The following DELE1 variants were observed in gnomAD, a reference collection of about 807,000 sequenced individuals.
DELE1 encodes the protein DAP3 binding cell death enhancer 1.
Under a neutral mutation model 59.3 loss-of-function variants are expected in DELE1, and 54 were observed. That is an observed-to-expected ratio of 0.91 (90% CI 0.73 to 1.14). The LOEUF (loss-of-function observed/expected upper bound fraction) is 1.14. Ranked by LOEUF, DELE1 falls within the 50% of genes most tolerant of loss-of-function variation. DELE1 has a pLI of 0.00. For missense variants in DELE1, 636 were observed against 643.9 expected, an observed-to-expected ratio of 0.99 and a Z score of 0.13; for synonymous variants, 264 against 259.1, an observed-to-expected ratio of 1.02 and a Z score of -0.18.
rs1752593561 is a variant in DELE1, at chr5:141,939,151, T to G, written c.*392T>G. ...CTACTGTTTGCCAATGTCTGATGTGTGTATCCCTGGTTCACAAGAAGATTT... is the reference window on the plus strand; with the variant it reads ...CTACTGTTTGCCAATGTCTGATGTGGGTATCCCTGGTTCACAAGAAGATTT... On this transcript the variant is annotated 3_prime_UTR_variant, in exon 12 of 12. Coordinates refer to ENST00000432126, the MANE Select transcript of DELE1 (RefSeq NM_014773.5). The G allele has an allele frequency of 1.0e-6, 1 of 983,738 alleles. No homozygotes were observed. Among genetic ancestry groups the G allele is most frequent in the Non-Finnish European group, 1.2e-6 (1 of 826,432 alleles). The allele number at this position is 983,738 out of a possible 1,614,324, so 60.9% of individuals were successfully genotyped here. A position where few individuals can be genotyped will look rare whatever the true frequency, so the allele number is the denominator to read the frequency against.
rs780181078 is a variant in DELE1, at chr5:141,928,137, G to A, written c.265-14G>A. On this transcript the variant is annotated splice_polypyrimidine_tract_variant and intron_variant, in intron 3 of 11. Transcript: ENST00000432126. ...TGGTGAAGGACCGTGTCCTTAACGT[G>A]CTGTCTTTCCCAGGGCACTCTGGCC... The A allele has an allele frequency of 6.2e-7, 1 of 1,611,094 alleles. No individual in the cohort carries two copies. Among genetic ancestry groups the A allele is most frequent in the East Asian group, 2.2e-5 (1 of 44,866 alleles).
chr5:141,928,308 C>A lies in DELE1; in HGVS notation c.412+10C>A. The stretch of plus-strand genomic sequence containing the variant: ...TGGCACCCATGCTCCTGTGAGTTCT[C>A]AGTCCTGGGGACAGGAGGGCTGGGC... On this transcript the variant is annotated intron_variant, in intron 4 of 11. Coordinates refer to ENST00000432126, the MANE Select transcript of DELE1 (RefSeq NM_014773.5). The A allele has an allele frequency of 1.2e-6, 2 of 1,613,410 alleles. No homozygotes were observed. The highest frequency in any genetic ancestry group is 1.7e-5 in the Admixed American group (1 of 59,950).
chr5:141,930,350 A>G (rs1054397906), intron 7 of DELE1, 76 bp downstream of exon 7: 1 of 1,062,370 alleles, frequency 9.4e-7, no homozygotes, highest in African/African-American at 1.6e-5. Context: ...GATATAGTCA[A>G]GATAGGGAGT....
In DELE1 at chr5:141,937,179, C is replaced by G. The variant is rs760006904; in HGVS notation, c.1150-19C>G. On this transcript the variant is annotated intron_variant, in intron 10 of 11. Transcript: ENST00000432126. ...TTCCTGCATGTGTGTATCTGTTTGTCTGTCCATTTTCTCCTTAGGACTCAC... is the reference window on the plus strand; with the variant it reads ...TTCCTGCATGTGTGTATCTGTTTGTGTGTCCATTTTCTCCTTAGGACTCAC... 1.2e-6 allele frequency: 2 copies of G among 1,613,698 alleles called. No homozygotes were observed.
At chr5:141,934,796 G>C (rs2126890782) in intron 10 of DELE1, 1 of 572,414 alleles carries the variant, frequency 1.7e-6, no homozygotes, top group South Asian at 2.3e-5. Flanking sequence ...TGTGAGAGCT[G>C]TTGGCAGCTT....
In DELE1 at chr5:141,941,534, G is replaced by T; in HGVS notation, c.*2775G>T. 1.0e-6 allele frequency: 1 copy of T among 985,420 alleles called. No individual in the cohort carries two copies. The highest frequency in any genetic ancestry group is 1.2e-6 in the Non-Finnish European group (1 of 829,964). 61.0% of individuals were successfully genotyped at this position (985,420 alleles called of 1,614,324 possible). ...TTGCCATTAAAATTCTGTTATTAAT[G>T]ACTCATCATCAGTGCCCCAGAGGAA... On this transcript the variant is annotated 3_prime_UTR_variant, in exon 12 of 12. Transcript: ENST00000432126.
Position 141,925,480 on chromosome 5 carries a change from A to T in DELE1, c.217A>T (p.Met73Leu), listed in dbSNP as rs765737948. The T allele has an allele frequency of 6.2e-7, 1 of 1,604,606 alleles. No individual in the cohort carries two copies. Among genetic ancestry groups the T allele is most frequent in the Non-Finnish European group, 8.5e-7 (1 of 1,175,802 alleles). The change falls in exon 3 of 12, where the codon ATG becomes TTG. Residue 73 changes from methionine to leucine, a missense_variant. Coordinates refer to ENST00000432126, the MANE Select transcript of DELE1 (RefSeq NM_014773.5). The part of the protein sequence containing the change: ...SHGWKDAFQW[M>L]SSRVSPNTLW... ...TGGATGGAAGGATGCCTTCCAATGG[A>T]TGTCTTCCCGTGTCTCCCCGAACAC...
At chr5:141,936,635 A>G (rs116010918) in intron 10 of DELE1, among the ~76,000 whole-genome samples, 1,958 of 152,180 alleles carry the variant, frequency 0.013, 43 homozygotes, top group African/African-American at 0.045. Flanking sequence ...GGGTTTCACT[A>G]TGTTGGGCAG....
chr5:141,939,580 G>A lies in DELE1; in HGVS notation c.*821G>A. ...ACTTCTCACCTCAGCCCTAAAGAGG[G>A]AGCCTGTGGGTTCTCAGAGAGATAT... On this transcript the variant is annotated 3_prime_UTR_variant, in exon 12 of 12. Transcript: ENST00000432126. The A allele has an allele frequency of 1.0e-6, 1 of 985,842 alleles. No homozygotes were observed. Among genetic ancestry groups the A allele is most frequent in the Non-Finnish European group, 1.2e-6 (1 of 829,940 alleles). 61.1% of individuals were successfully genotyped at this position (985,842 alleles called of 1,614,324 possible). A position where few individuals can be genotyped will look rare whatever the true frequency, so the allele number is the denominator to read the frequency against.
chr5:141,925,555 C>A, intron 3 of DELE1, 28 bp downstream of exon 3: 1 of 1,453,532 alleles, frequency 6.9e-7, no homozygotes, highest in Non-Finnish European at 9.4e-7. Flanking sequence ...TGGTCCTTGA[C>A]CTTCAGTGTA....
chr5:141,937,581 T>TAACA (rs1752461495), intron 11 of DELE1, among the ~76,000 whole-genome samples: 1 of 151,554 alleles, frequency 6.6e-6, no homozygotes, highest in Non-Finnish European at 1.5e-5. Context: ...CCCTCCTGGC[T>TAACA]AACACGGTGA....
chr5:141,926,721 A>G (rs10039236), intron 3 of DELE1, among the ~76,000 whole-genome samples: 10,772 of 152,314 alleles, frequency 0.071, 422 homozygotes, highest in South Asian at 0.14. Flanking sequence ...TTACCCCTCT[A>G]TGGGGAGCTG....
Position 141,938,657 on chromosome 5 carries a change from C to T in DELE1, c.1446C>T (p.Cys482=), listed in dbSNP as rs1173816626. The T allele has an allele frequency of 6.2e-7, 1 of 1,614,146 alleles. No homozygotes were observed. The highest frequency in any genetic ancestry group is 8.5e-7 in the Non-Finnish European group (1 of 1,180,030). ...ASSTGNLGLL[C]RSGHLGASLE... ...GCACAGGCAACCTTGGCCTCCTCTG[C>T]AGAAGTGGGCATCTCGGAGCCAGCC... The change falls in exon 12 of 12, where the codon TGC becomes TGT. Residue 482 remains cysteine (C), a synonymous_variant. Transcript: ENST00000432126.
chr5:141,934,988 T>C (rs1303407901), intron 10 of DELE1: 3 of 192,414 alleles, frequency 1.6e-5, no homozygotes, highest in Non-Finnish European at 3.2e-5. Context: ...TTGCCTTACC[T>C]GTCCAGTACT....
Position 141,940,481 on chromosome 5 carries a change from TG to T in DELE1, c.*1724del, listed in dbSNP as rs1752673028. On this transcript the variant is annotated 3_prime_UTR_variant, in exon 12 of 12. Transcript: ENST00000432126. ...ATGACTGAGTGGAGACCAACCAGCC[TG>T]GCCAATTCAAAGGCAAGAAGATTTG... is the stretch of plus-strand genomic sequence containing the variant. The T allele has an allele frequency of 1.0e-6, 1 of 985,206 alleles. No individual in the cohort carries two copies. Among genetic ancestry groups the T allele is most frequent in the South Asian group, 4.7e-5 (1 of 21,288 alleles). 61.0% of individuals were successfully genotyped at this position (985,206 alleles called of 1,614,324 possible). A position where few individuals can be genotyped will look rare whatever the true frequency, so the allele number is the denominator to read the frequency against.
rs1561523101 is a variant in DELE1, at chr5:141,937,337, T to G, written c.1289T>G (p.Leu430Arg). The change falls in exon 11 of 12, where the codon CTC becomes CGC. Residue 430 changes from leucine to arginine, a missense_variant. Coordinates refer to ENST00000432126, the MANE Select transcript of DELE1 (RefSeq NM_014773.5). The stretch of plus-strand genomic sequence containing the variant: ...GCCGCCCAGGAGAGGCTGCGAGCCC[T>G]CTTTTCCATGGGGGCTGCAGGTACA... ...NEAAQERLRA[L>R]FSMGAAAPGP... 6.2e-7 allele frequency: 1 copy of G among 1,614,054 alleles called. No individual in the cohort carries two copies. Among genetic ancestry groups the G allele is most frequent in the Middle Eastern group, 1.7e-4 (1 of 6,032 alleles).
chr5:141,933,835 A>G (rs192602652), intron 8 of DELE1: 1 of 158,944 alleles, frequency 6.3e-6, no homozygotes, highest in Admixed American at 6.4e-5. Flanking sequence ...TGTCAGGGAA[A>G]GACATTCATG....
In DELE1 at chr5:141,929,589, A is replaced by G. The variant is rs545198440; in HGVS notation, c.420A>G (p.Arg140=). 2.5e-6 allele frequency: 4 copies of G among 1,613,600 alleles called. No homozygotes were observed. Among genetic ancestry groups the G allele is most frequent in the South Asian group, 2.2e-5 (2 of 91,042 alleles). Residue 140 remains arginine, a synonymous_variant, in exon 5 of 12, where the codon CGA becomes CGG. Coordinates refer to ENST00000432126, the MANE Select transcript of DELE1 (RefSeq NM_014773.5). ...SPLWHPCSSL[R]QHILPSPDGP... is the part of the protein sequence containing the mutation. Reference sequence around the variant, plus strand: ...CTTGCTGGCTCTTTCCAGCACTGCGACAACACATCCTCCCCAGCCCCGATG... The same window carrying G: ...CTTGCTGGCTCTTTCCAGCACTGCGGCAACACATCCTCCCCAGCCCCGATG...
intron 7 of DELE1, among the ~76,000 whole-genome samples, chr5:141,930,544 G>A (rs1409512766): frequency 6.6e-6 from 1 of 152,174 alleles, no homozygotes; most frequent in East Asian, 1.9e-4. Flanking sequence ...GGCAAGGTAG[G>A]GAAGCTAAAG....
Sources: allele counts gnomAD v4.1 joint callset (sites outside exome capture counted in the v4.1 genomes callset), GRCh38; gene constraint gnomAD v4.1.1; transcripts MANE v1.5; gene names NCBI Gene and HGNC (gene_info 2026-07-23, HGNC 2026-07-21).